Variants in TSHZ2 observed in about 807,000 individuals in gnomAD.
TSHZ2 encodes teashirt zinc finger homeobox 2.
In TSHZ2, 21 loss-of-function variants were observed where a neutral mutation model predicts 74.4. The observed-to-expected ratio is 0.28, with a 90% CI of 0.20 to 0.41. The LOEUF is 0.41. Among genes scored for constraint, TSHZ2 ranks in the 10% least tolerant of loss-of-function variants. The pLI is 1.00. For missense variants in TSHZ2, 1,244 were observed against 1,293.5 expected, an observed-to-expected ratio of 0.96 and a Z score of 0.59; for synonymous variants, 540 against 515.3, an observed-to-expected ratio of 1.05 and a Z score of -0.65.
chr20:53,211,655 A>C (rs930327418), intron 1 of TSHZ2, among the ~76,000 whole-genome samples: 49 of 152,320 alleles, frequency 3.2e-4, no homozygotes, highest in African/African-American at 1.1e-3. Context: ...TGGAGGCTGC[A>C]GTGAGTTACA....
chr20:53,146,810 G>A (rs919476695), intron 1 of TSHZ2, among the ~76,000 whole-genome samples: 6 of 152,168 alleles, frequency 3.9e-5, no homozygotes, highest in African/African-American at 1.4e-4. Context: ...AATTCCACCA[G>A]CTGATTTGCA....
intron 1 of TSHZ2, among the ~76,000 whole-genome samples, chr20:53,018,782 G>C (rs1463682518): frequency 6.6e-6 from 1 of 150,780 alleles, no homozygotes; most frequent in Non-Finnish European, 1.5e-5. Context: ...GCTTAATTCA[G>C]GACACAACTC....
rs1332650656 is a variant in TSHZ2 at position 53,258,371 on chromosome 20, A to AG, written c.*8+1807dup. Among the ~76,000 whole-genome samples, 11 of 152,174 alleles carry AG rather than the reference A, an allele frequency of 7.2e-5. No homozygotes were observed. In the East Asian group the frequency reaches 7.7e-4, roughly 11 times the overall value. ...GTTTTCCTGGTTCTTAAAAAAAAAGAGGGGGGGCATACAGAGAATACTTAG... is the reference window on the plus strand; with the variant it reads ...GTTTTCCTGGTTCTTAAAAAAAAAGAGGGGGGGGCATACAGAGAATACTTAG... On this transcript the variant is annotated intron_variant, in intron 2 of 2. Coordinates refer to ENST00000371497, the MANE Select transcript of TSHZ2 (RefSeq NM_173485.6).
chr20:52,988,248 T>C (rs1981845666), intron 1 of TSHZ2, among the ~76,000 whole-genome samples: 1 of 152,298 alleles, frequency 6.6e-6, no homozygotes. Context: ...TACCAAGCAC[T>C]GGCTACATTC....
intron 1 of TSHZ2, among the ~76,000 whole-genome samples, chr20:53,024,684 C>A (rs1216234910): frequency 6.6e-6 from 1 of 151,950 alleles, no homozygotes; most frequent in Non-Finnish European, 1.5e-5. Flanking sequence ...GTGTGATGTT[C>A]CCCCCACTGT....
chr20:53,431,580 G>A (rs1345017623), intron 2 of TSHZ2, among the ~76,000 whole-genome samples: 1 of 152,102 alleles, frequency 6.6e-6, no homozygotes, highest in Non-Finnish European at 1.5e-5. Flanking sequence ...ACTGTTTTAG[G>A]CTCTTTACCT....
chr20:53,469,045 T>TTATATATATATA (rs143724013), intron 2 of TSHZ2, among the ~76,000 whole-genome samples: 1,368 of 48,714 alleles, frequency 0.028, 121 homozygotes, highest in Non-Finnish European at 0.038. Flanking sequence ...AATCGATATT[T>TTATATATATATA]TATATATATA....
At chr20:53,204,949 C>T (rs1457913931) in intron 1 of TSHZ2, among the ~76,000 whole-genome samples, 3 of 151,624 alleles carry the variant, frequency 2.0e-5, no homozygotes, top group South Asian at 2.1e-4. Flanking sequence ...AAAAATTAGC[C>T]GGCGCCATGT....
At chr20:53,169,943 T>C (rs1988156297) in intron 1 of TSHZ2, among the ~76,000 whole-genome samples, 2 of 152,180 alleles carry the variant, frequency 1.3e-5, no homozygotes. Flanking sequence ...TGTATGTGTG[T>C]ATAAGTGTGT....
intron 1 of TSHZ2, among the ~76,000 whole-genome samples, chr20:53,030,194 G>A (rs79451734): frequency 0.15 from 22,591 of 151,988 alleles, 2,075 homozygotes; most frequent in East Asian, 0.26. Context: ...TTTGAACCCC[G>A]CCACTCAGCC....
intron 1 of TSHZ2, among the ~76,000 whole-genome samples, chr20:53,147,790 C>T (rs993245296): frequency 2.0e-5 from 3 of 152,166 alleles, no homozygotes; most frequent in Non-Finnish European, 4.4e-5. Context: ...CATCTCTGCT[C>T]ACTGCAACCT....
chr20:53,111,276 CTAT>C (rs1986528164), intron 1 of TSHZ2, among the ~76,000 whole-genome samples: 1 of 152,204 alleles, frequency 6.6e-6, no homozygotes, highest in African/African-American at 2.4e-5. Context: ...CACTAAACAT[CTAT>C]TATTTGCCAG....
intron 1 of TSHZ2, among the ~76,000 whole-genome samples, chr20:53,160,742 C>G (rs1987909797): frequency 8.8e-6 from 1 of 113,672 alleles, no homozygotes; most frequent in African/African-American, 5.6e-5. Flanking sequence ...AAGACTCTGT[C>G]TCCAAAAAAA....
At chr20:53,337,939 T>G (rs1432808504) in intron 2 of TSHZ2, among the ~76,000 whole-genome samples, 3 of 152,248 alleles carry the variant, frequency 2.0e-5, no homozygotes, top group Non-Finnish European at 4.4e-5. Flanking sequence ...GGTTCTTCAG[T>G]GCTTCCCCTG....
At chr20:53,250,651 C>T (rs1350361694) in intron 1 of TSHZ2, among the ~76,000 whole-genome samples, 6 of 152,072 alleles carry the variant, frequency 3.9e-5, no homozygotes, top group African/African-American at 4.8e-5. Context: ...TCTCTCAGCA[C>T]GAGTTACTCT....
At chr20:53,305,989 A>T (rs967354776) in intron 2 of TSHZ2, among the ~76,000 whole-genome samples, 3 of 151,866 alleles carry the variant, frequency 2.0e-5, no homozygotes, top group East Asian at 1.9e-4. Flanking sequence ...AAAAAAAAAA[A>T]AATACGTTTG....
intron 2 of TSHZ2, among the ~76,000 whole-genome samples, chr20:53,276,808 G>T (rs552487314): frequency 6.6e-6 from 1 of 152,292 alleles, no homozygotes; most frequent in South Asian, 2.1e-4. Context: ...ACCACACGTT[G>T]AGAACCATTG....
At chr20:53,340,717 C>T (rs947501722) in intron 2 of TSHZ2, among the ~76,000 whole-genome samples, 22 of 152,164 alleles carry the variant, frequency 1.4e-4, no homozygotes, top group Admixed American at 1.4e-3. Flanking sequence ...CTAACTTGGG[C>T]TAGTTCGTCC....
rs76771522 is a variant in TSHZ2, at chr20:53,409,073, A to G, written c.*9-78071A>G. 3.3e-5 allele frequency among the ~76,000 whole-genome samples: 5 copies of G among 152,326 alleles called. No individual in the cohort carries two copies. In the East Asian group the frequency reaches 5.8e-4, roughly 18 times the overall value. The stretch of plus-strand genomic sequence containing the variant: ...CACTTACAACAAATAAAACATTTTA[A>G]TATGAGCAGTCACTGCATGTTTACT... On this transcript the variant is annotated intron_variant, in intron 2 of 2. Transcript: ENST00000371497.
Sources: gnomAD v4.1 joint callset for allele counts (sites outside exome capture counted in the v4.1 genomes callset) on GRCh38, gnomAD v4.1.1 for gene constraint, MANE v1.5 for transcripts, NCBI Gene and HGNC (gene_info 2026-07-23, HGNC 2026-07-21) for gene names.